Variants in EPN2 observed in about 807,000 individuals in gnomAD.
EPN2 encodes epsin 2.
A neutral mutation model predicts 61.7 loss-of-function variants in EPN2; 34 were observed. The ratio of observed to expected loss-of-function variants is 0.55; its 90% CI spans 0.42 to 0.73. The LOEUF (loss-of-function observed/expected upper bound fraction) is 0.73. Among genes scored for constraint, EPN2 ranks in the 30% least tolerant of loss-of-function variants. The pLI is 0.00. For synonymous variants in EPN2, 349 were observed against 353.6 expected (o/e 0.99, Z 0.15); for missense variants, 714 against 839.2 (o/e 0.85, Z 1.84).
intron 3 of EPN2, among the ~76,000 whole-genome samples, chr17:19,284,179 G>A (rs888435946): frequency 1.3e-5 from 2 of 152,210 alleles, no homozygotes; most frequent in Non-Finnish European, 2.9e-5. Flanking sequence ...GAATGGCTCA[G>A]TATTATTCTA....
intron 7 of EPN2, among the ~76,000 whole-genome samples, chr17:19,322,778 T>G (rs1036796166): frequency 3.3e-5 from 5 of 151,022 alleles, no homozygotes; most frequent in African/African-American, 9.7e-5. Flanking sequence ...CTGGTGTGGC[T>G]TAATAGGCCC....
intron 5 of EPN2, among the ~76,000 whole-genome samples, chr17:19,310,571 CTTTTTTTTTT>C (rs71155391): frequency 0.027 from 2,174 of 80,984 alleles, 45 homozygotes; most frequent in South Asian, 0.14. Context: ...CTCCTTCTTT[CTTTTTTTTTT>C]TTTTTTTTTT....
intron 1 of EPN2, among the ~76,000 whole-genome samples, chr17:19,246,790 G>C (rs1284109314): frequency 1.0e-5 from 1 of 97,428 alleles, no homozygotes; most frequent in Non-Finnish European, 1.9e-5. Context: ...TTTTTTTGAA[G>C]CGGAGTCTCG....
In EPN2 at chr17:19,313,272, A is replaced by G. The variant is rs768002641; in HGVS notation, c.1140A>G (p.Pro380=). ...CTGCGAGTACTTCAGACCCCTGGCC[A>G]TCGTTTGGTAAAGACCCCATTACTG... ...AAPASTSDPW[P]SFGTKPAASI... The change falls in exon 7 of 11, where the codon CCA becomes CCG. Residue 380 remains proline, a synonymous_variant. Coordinates refer to ENST00000314728, the MANE Select transcript of EPN2 (RefSeq NM_014964.5). 6.5e-6 allele frequency: 10 copies of G among 1,538,638 alleles called. No individual in the cohort carries two copies. The highest frequency in any genetic ancestry group is 1.3e-5 in the South Asian group (1 of 79,404).
intron 4 of EPN2, among the ~76,000 whole-genome samples, chr17:19,309,089 G>A (rs1320257803): frequency 2.6e-5 from 4 of 151,856 alleles, no homozygotes; most frequent in South Asian, 4.2e-4. Context: ...AGAAATGGGC[G>A]GGCTTCATTT....
intron 3 of EPN2, among the ~76,000 whole-genome samples, chr17:19,284,689 TAGTC>T (rs758800353): frequency 2.0e-5 from 3 of 152,264 alleles, no homozygotes; most frequent in Non-Finnish European, 4.4e-5. Flanking sequence ...AACCCTTACT[TAGTC>T]AGTGTTCTGT....
chr17:19,302,475 G>A (rs572796500), intron 4 of EPN2, among the ~76,000 whole-genome samples: 7 of 152,238 alleles, frequency 4.6e-5, no homozygotes, highest in Middle Eastern at 3.4e-3. Context: ...TCATAGGAGC[G>A]CAAACCTTAT....
At chr17:19,256,780 A>G (rs921848381) in intron 1 of EPN2, among the ~76,000 whole-genome samples, 1 of 152,134 alleles carries the variant, frequency 6.6e-6, no homozygotes, top group Non-Finnish European at 1.5e-5. Flanking sequence ...GCTTTGTAAC[A>G]GGGTCTTCTG....
At chr17:19,316,256 A>G (rs1479320467) in intron 7 of EPN2, among the ~76,000 whole-genome samples, 3 of 152,248 alleles carry the variant, frequency 2.0e-5, no homozygotes, top group African/African-American at 7.2e-5. Context: ...AATTTTAAAA[A>G]TTAAGAATAT....
intron 1 of EPN2, among the ~76,000 whole-genome samples, chr17:19,260,157 A>T (rs1335152597): frequency 6.6e-6 from 1 of 152,190 alleles, no homozygotes; most frequent in Non-Finnish European, 1.5e-5. Flanking sequence ...CTGAGGAAGG[A>T]CTTGCTGCAC....
chr17:19,246,767 CTT>C (rs377094702), intron 1 of EPN2, among the ~76,000 whole-genome samples: 29 of 109,544 alleles, frequency 2.6e-4, no homozygotes, highest in East Asian at 1.0e-3. Context: ...CCCTGTGTGC[CTT>C]TTTTTTTTTT....
chr17:19,254,781 GAGTTAC>G (rs2045056424), intron 1 of EPN2, among the ~76,000 whole-genome samples: 1 of 152,102 alleles, frequency 6.6e-6, no homozygotes, highest in Admixed American at 6.5e-5. Context: ...CCCCACTCCT[GAGTTAC>G]AGGGACAGAC....
chr17:19,312,478 C>T (rs1174390252), intron 6 of EPN2, among the ~76,000 whole-genome samples: 2 of 152,216 alleles, frequency 1.3e-5, no homozygotes, highest in African/African-American at 4.8e-5. Flanking sequence ...CAGGGTGTGC[C>T]CCCAGAAGTG....
intron 1 of EPN2, among the ~76,000 whole-genome samples, chr17:19,255,875 G>A (rs2045071540): frequency 6.6e-6 from 1 of 150,824 alleles, no homozygotes; most frequent in South Asian, 2.2e-4. Context: ...CTTCTGTCTC[G>A]GCCCCCCAAA....
chr17:19,258,484 CGTTGGGTTGG>C (rs986349723), intron 1 of EPN2, among the ~76,000 whole-genome samples: 1 of 152,092 alleles, frequency 6.6e-6, no homozygotes, highest in East Asian at 1.9e-4. Flanking sequence ...CGTTTGGTGA[CGTTGGGTTGG>C]GTTGGGTTGA....
chr17:19,269,369 A>T (rs1326552192), intron 1 of EPN2, among the ~76,000 whole-genome samples: 1 of 152,256 alleles, frequency 6.6e-6, no homozygotes, highest in Non-Finnish European at 1.5e-5. Context: ...CAACATGAAG[A>T]GACTCTTTTT....
At chr17:19,248,841 A>C (rs1276031426) in intron 1 of EPN2, among the ~76,000 whole-genome samples, 1 of 152,214 alleles carries the variant, frequency 6.6e-6, no homozygotes, top group African/African-American at 2.4e-5. Context: ...GGAAGTTTAG[A>C]AAGTGGTGTC....
At chr17:19,241,589 A>T (rs928811958) in intron 1 of EPN2, among the ~76,000 whole-genome samples, 1 of 142,540 alleles carries the variant, frequency 7.0e-6, no homozygotes, top group Non-Finnish European at 1.5e-5. Context: ...TGTCTCAAAA[A>T]AAAAAAAAAA....
Position 19,329,542 on chromosome 17 carries a change from G to A in EPN2, c.1325-19G>A. On this transcript the variant is annotated intron_variant, in intron 8 of 10. Coordinates refer to ENST00000314728, the MANE Select transcript of EPN2 (RefSeq NM_014964.5). ...GTCCTGTGAGATGCCCCCAGTCATTGGCTTCTGTGTCCACCCAGGGTCCTT... is the reference window on the plus strand; with the variant it reads ...GTCCTGTGAGATGCCCCCAGTCATTAGCTTCTGTGTCCACCCAGGGTCCTT... 1 of 1,545,638 alleles carries A rather than the reference G, an allele frequency of 6.5e-7. No homozygotes were observed. Among genetic ancestry groups the A allele is most frequent in the African/African-American group, 1.4e-5 (1 of 73,642 alleles).
Sources: allele counts gnomAD v4.1 joint callset (sites outside exome capture counted in the v4.1 genomes callset), GRCh38; gene constraint gnomAD v4.1.1; transcripts MANE v1.5; gene names NCBI Gene and HGNC (gene_info 2026-07-23, HGNC 2026-07-21).